The following RASGRP3 variants were observed in gnomAD, a reference collection of about 807,000 sequenced individuals.
RASGRP3 encodes ras guanyl-releasing protein 3.
A neutral mutation model predicts 82.7 loss-of-function variants in RASGRP3; 54 were observed. The observed-to-expected ratio is 0.65, with a 90% confidence interval of 0.52 to 0.82. The LOEUF (loss-of-function observed/expected upper bound fraction) is 0.82. RASGRP3 is among the 40% of genes least tolerant of loss of function. The probability of loss-of-function intolerance (pLI) is 0.00; values close to 1 mark genes in which losing one functional copy is unlikely to be tolerated. For missense variants in RASGRP3, 861 were observed against 828.9 expected (o/e 1.04, Z -0.48); for synonymous variants, 309 against 300.5 (o/e 1.03, Z -0.29).
At chr2:33,517,477 C>T (rs1558473345) in intron 4 of RASGRP3, among the ~76,000 whole-genome samples, 3 of 152,180 alleles carry the variant, frequency 2.0e-5, no homozygotes, top group South Asian at 2.1e-4. Flanking sequence ...GAGGGAGAGG[C>T]ACCATCAAGT....
intron 1 of RASGRP3, among the ~76,000 whole-genome samples, chr2:33,502,501 C>CTT (rs3083004): frequency 0.15 from 20,220 of 135,596 alleles, 1,737 homozygotes; most frequent in South Asian, 0.17. Context: ...TTTTTTCTTT[C>CTT]TTTTTTTTTT....
intron 11 of RASGRP3, among the ~76,000 whole-genome samples, chr2:33,535,295 T>C (rs574255432): frequency 5.3e-5 from 8 of 152,344 alleles, no homozygotes; most frequent in Middle Eastern, 3.4e-3. Context: ...GTGGATGGAC[T>C]ATATTTTAGA....
intron 1 of RASGRP3, among the ~76,000 whole-genome samples, chr2:33,507,790 T>G (rs973201270): frequency 6.6e-6 from 1 of 152,184 alleles, no homozygotes; most frequent in African/African-American, 2.4e-5. Flanking sequence ...CCTCCCAAAG[T>G]GCTGGGATTA....
chr2:33,448,557 C>T (rs1490668787), intron 2 of RASGRP3, among the ~76,000 whole-genome samples: 2 of 151,944 alleles, frequency 1.3e-5, no homozygotes, highest in African/African-American at 2.4e-5. Context: ...TGAAATAATC[C>T]AGACACAAAA....
chr2:33,554,328 T>C (rs1363480770), intron 14 of RASGRP3, among the ~76,000 whole-genome samples: 2 of 152,148 alleles, frequency 1.3e-5, no homozygotes, highest in African/African-American at 4.8e-5. Flanking sequence ...AAGTAGATAA[T>C]AGCCACCTAA....
intron 2 of RASGRP3, among the ~76,000 whole-genome samples, chr2:33,467,709 G>A (rs971779649): frequency 6.6e-5 from 10 of 152,166 alleles, no homozygotes; most frequent in African/African-American, 2.4e-4. Context: ...GGAGGGAGCT[G>A]CTAGCAGGGG....
At chr2:33,458,191 G>A (rs191676921) in intron 2 of RASGRP3, 107 of 152,292 alleles carry the variant, frequency 7.0e-4, no homozygotes, top group African/African-American at 2.3e-3. Context: ...TTCTTGAATC[G>A]TATGAGTTGA....
At chr2:33,559,420 CTT>C (rs1328009908) in intron 17 of RASGRP3, among the ~76,000 whole-genome samples, 4 of 152,120 alleles carry the variant, frequency 2.6e-5, no homozygotes, top group African/African-American at 9.7e-5. Flanking sequence ...AAGCAAAAGA[CTT>C]TTAGATAAAG....
In RASGRP3 at chr2:33,534,400, G is replaced by T. The variant is rs760682537; in HGVS notation, c.1161G>T (p.Ser387=). The change falls in exon 11 of 18, where the codon TCG becomes TCT. Residue 387 remains serine, a splice_region_variant and synonymous_variant. Coordinates refer to ENST00000403687, the MANE Select transcript of RASGRP3 (RefSeq NM_001139488.2). Reference sequence around the variant, plus strand: ...TGCTGGAGCCTAGAAATTCTAAATCGGTAGGTATTATTTTCTCTCCAAGGA... The same window carrying T: ...TGCTGGAGCCTAGAAATTCTAAATCTGTAGGTATTATTTTCTCTCCAAGGA... The part of the protein sequence containing the change: ...SLVLEPRNSK[S]QPTSPTTPNK... The T allele has an allele frequency of 6.5e-7, 1 of 1,537,798 alleles. No individual in the cohort carries two copies. Among genetic ancestry groups the T allele is most frequent in the Non-Finnish European group, 9.0e-7 (1 of 1,116,418 alleles).
In RASGRP3 at chr2:33,485,912, T is replaced by G. The variant is rs1668329490; in HGVS notation, c.-261+9205T>G. Among the ~76,000 whole-genome samples the G allele has an allele frequency of 2.0e-5, 3 of 152,214 alleles. No individual in the cohort carries two copies. In the South Asian group the frequency reaches 6.2e-4, roughly 31 times the overall value. ...CTGAGACATGTGTCATGCATAAAAT[T>G]CTGCAACTATTTGGAACACCATCTC... is the stretch of plus-strand genomic sequence containing the variant. On this transcript the variant is annotated intron_variant, in intron 1 of 17. Transcript: ENST00000403687.
At chr2:33,457,596 C>G (rs115474925) in intron 2 of RASGRP3, among the ~76,000 whole-genome samples, 1,691 of 151,588 alleles carry the variant, frequency 0.011, 27 homozygotes, top group African/African-American at 0.039. Context: ...TTACAAATGT[C>G]ACGTCATTTT....
intron 1 of RASGRP3, among the ~76,000 whole-genome samples, chr2:33,439,373 G>A (rs1313355193): frequency 1.3e-5 from 2 of 152,144 alleles, no homozygotes; most frequent in African/African-American, 2.4e-5. Context: ...AGCGGGAGGA[G>A]AGCTGATGGA....
At chr2:33,483,877 C>T (rs1668147449) in intron 1 of RASGRP3, among the ~76,000 whole-genome samples, 1 of 152,086 alleles carries the variant, frequency 6.6e-6, no homozygotes, top group Admixed American at 6.5e-5. Context: ...AATTGCTTGT[C>T]CTTTTCCCAT....
chr2:33,501,776 A>G (rs890373080), intron 1 of RASGRP3, among the ~76,000 whole-genome samples: 2 of 152,224 alleles, frequency 1.3e-5, no homozygotes, highest in Admixed American at 1.3e-4. Flanking sequence ...GGCCAGCAGT[A>G]GGAAAGGAGT....
intron 1 of RASGRP3, among the ~76,000 whole-genome samples, chr2:33,444,100 C>G (rs1259854873): frequency 2.6e-5 from 4 of 151,992 alleles, no homozygotes; most frequent in Non-Finnish European, 5.9e-5. Flanking sequence ...GTCAGGATTT[C>G]AAGAACAGCC....
intron 10 of RASGRP3, chr2:33,530,943 G>A (rs886879223): frequency 6.6e-6 from 1 of 152,162 alleles, no homozygotes; most frequent in Non-Finnish European, 1.5e-5. Flanking sequence ...CTGTTGCGTG[G>A]GGTATGAAAT....
At chr2:33,501,624 C>G (rs887034263) in intron 1 of RASGRP3, among the ~76,000 whole-genome samples, 22 of 152,210 alleles carry the variant, frequency 1.4e-4, no homozygotes, top group African/African-American at 4.8e-4. Context: ...GTCCACCTGT[C>G]TCCAAACCCT....
chr2:33,473,411 T>C (rs1024536575), upstream of RASGRP3, among the ~76,000 whole-genome samples: 2 of 151,274 alleles, frequency 1.3e-5, no homozygotes, highest in African/African-American at 4.9e-5. Flanking sequence ...TCAGAAAGAC[T>C]GTTGTTAGGA....
intron 1 of RASGRP3, among the ~76,000 whole-genome samples, chr2:33,511,306 C>T (rs1311999061): frequency 6.6e-6 from 1 of 152,140 alleles, no homozygotes; most frequent in African/African-American, 2.4e-5. Context: ...CATGTTGAGA[C>T]AATCAGTAGT....
Sources: gnomAD v4.1 joint callset for allele counts (sites outside exome capture counted in the v4.1 genomes callset) on GRCh38, gnomAD v4.1.1 for gene constraint, MANE v1.5 for transcripts, NCBI Gene and HGNC (gene_info 2026-07-23, HGNC 2026-07-21) for gene names.